The following SESTD1 variants were observed in gnomAD, a reference collection of about 807,000 sequenced individuals.
SESTD1 encodes SEC14 and spectrin domain containing 1.
A neutral mutation model predicts 101.7 loss-of-function variants in SESTD1; 43 were observed. That is an observed-to-expected ratio of 0.42 (90% CI 0.33 to 0.55). The LOEUF (loss-of-function observed/expected upper bound fraction) is 0.55. Among genes scored for constraint, SESTD1 ranks in the 20% least tolerant of loss-of-function variants. The pLI is 0.07. For synonymous variants in SESTD1, 283 were observed against 286.8 expected, an observed-to-expected ratio of 0.99 and a Z score of 0.13; for missense variants, 647 against 815.1, an observed-to-expected ratio of 0.79 and a Z score of 2.51.
chr2:179,183,487 C>G (rs1258542363), intron 2 of SESTD1, among the ~76,000 whole-genome samples: 1 of 152,030 alleles, frequency 6.6e-6, no homozygotes, highest in Non-Finnish European at 1.5e-5. Context: ...ACACCTCTCA[C>G]GTGCCCAGCA....
rs1287168708 is a variant in SESTD1 at position 179,206,433 on chromosome 2, T to G, written c.-25-14567A>C. Among the ~76,000 whole-genome samples, 9 of 136,038 alleles carry G rather than the reference T, an allele frequency of 6.6e-5. 1 individual carries two copies. The highest frequency in any genetic ancestry group is 1.6e-5 in the Non-Finnish European group (1 of 63,026). The allele number at this position is 136,038 out of a possible 152,430, so 89.2% of individuals were successfully genotyped here. On this transcript the variant is annotated intron_variant, in intron 1 of 17. Transcript: ENST00000428443. ...AGAAGAATTTAATCTTACATAGAGC[T>G]GAAATGGATTTAGGGAGCTGTGTGA...
chr2:179,254,353 C>T (rs755832771), intron 1 of SESTD1, among the ~76,000 whole-genome samples: 8 of 152,252 alleles, frequency 5.3e-5, no homozygotes, highest in South Asian at 2.1e-4. Flanking sequence ...TTCTCCTTAA[C>T]GCACTACAGA....
chr2:179,235,150 G>C (rs1267500419), intron 1 of SESTD1, among the ~76,000 whole-genome samples: 1 of 152,150 alleles, frequency 6.6e-6, no homozygotes, highest in African/African-American at 2.4e-5. Flanking sequence ...ATAGAGTACT[G>C]CATCAATGTT....
chr2:179,248,424 T>A (rs1474095752), intron 1 of SESTD1, among the ~76,000 whole-genome samples: 3 of 152,116 alleles, frequency 2.0e-5, no homozygotes, highest in Non-Finnish European at 4.4e-5. Flanking sequence ...TAAGTTAGTA[T>A]TACCCTGATG....
At chr2:179,253,426 A>C (rs1399692685) in intron 1 of SESTD1, among the ~76,000 whole-genome samples, 1 of 152,220 alleles carries the variant, frequency 6.6e-6, no homozygotes, top group Non-Finnish European at 1.5e-5. Flanking sequence ...AATGAACCAC[A>C]GTAGGATACT....
At chr2:179,225,793 T>C (rs2046876560) in intron 1 of SESTD1, among the ~76,000 whole-genome samples, 1 of 152,118 alleles carries the variant, frequency 6.6e-6, no homozygotes, top group South Asian at 2.1e-4. Flanking sequence ...TTTATAAGGG[T>C]GCTAGTCCCA....
At chr2:179,140,316 A>G (rs1257036874) in intron 9 of SESTD1, among the ~76,000 whole-genome samples, 3 of 152,102 alleles carry the variant, frequency 2.0e-5, no homozygotes, top group African/African-American at 7.2e-5. Flanking sequence ...GAGGTAATTA[A>G]CCTAAAATAA....
At chr2:179,225,300 C>T (rs1347427104) in intron 1 of SESTD1, among the ~76,000 whole-genome samples, 1 of 151,974 alleles carries the variant, frequency 6.6e-6, no homozygotes, top group African/African-American at 2.4e-5. Context: ...CCTACAGAAG[C>T]CCTACTCTTA....
At chr2:179,123,142 C>T (rs1575425836) in intron 12 of SESTD1, among the ~76,000 whole-genome samples, 1 of 152,074 alleles carries the variant, frequency 6.6e-6, no homozygotes. Context: ...CACTGTGCTT[C>T]CTGCTGTAGA....
intron 7 of SESTD1, among the ~76,000 whole-genome samples, chr2:179,147,448 G>T (rs369717434): frequency 6.0e-5 from 9 of 149,822 alleles, no homozygotes; most frequent in Admixed American, 2.0e-4. Context: ...TACAACCTCC[G>T]CCTCCCAGGC....
intron 5 of SESTD1, among the ~76,000 whole-genome samples, chr2:179,153,569 A>G (rs1408558638): frequency 1.3e-5 from 2 of 152,210 alleles, no homozygotes; most frequent in Non-Finnish European, 2.9e-5. Flanking sequence ...GTTTAGAAAT[A>G]ATGACCAATT....
chr2:179,145,290 A>G (rs2045370084), intron 8 of SESTD1, among the ~76,000 whole-genome samples: 1 of 152,216 alleles, frequency 6.6e-6, no homozygotes, highest in Non-Finnish European at 1.5e-5. Context: ...TTCAAAGAGC[A>G]TGCCTTGAAA....
intron 1 of SESTD1, among the ~76,000 whole-genome samples, chr2:179,237,626 T>G (rs2047088316): frequency 6.6e-6 from 1 of 152,212 alleles, no homozygotes; most frequent in Admixed American, 6.5e-5. Flanking sequence ...AAGATTTATT[T>G]TCTTTTGAAA....
chr2:179,243,889 C>T (rs78758361), intron 1 of SESTD1, among the ~76,000 whole-genome samples: 1 of 151,138 alleles, frequency 6.6e-6, no homozygotes, highest in Admixed American at 6.6e-5. Context: ...TACATATGTA[C>T]CCCATGAATC....
chr2:179,142,876 C>G (rs1338705552), intron 9 of SESTD1, among the ~76,000 whole-genome samples: 5 of 152,156 alleles, frequency 3.3e-5, no homozygotes, highest in African/African-American at 1.2e-4. Flanking sequence ...CCTTTATATC[C>G]TGTAAAAAAC....
chr2:179,138,955 C>A (rs545042945), intron 9 of SESTD1, among the ~76,000 whole-genome samples: 2 of 151,080 alleles, frequency 1.3e-5, no homozygotes, highest in African/African-American at 4.9e-5. Flanking sequence ...AGAGGCTCAT[C>A]GCCCTTGTTA....
In SESTD1 at chr2:179,121,733, T is replaced by C. The variant is rs765665008; in HGVS notation, c.1442+37A>G. 7.3e-6 allele frequency: 11 copies of C among 1,507,506 alleles called. No individual in the cohort carries two copies. In the South Asian group the frequency reaches 8.1e-5, roughly 11 times the overall value. The allele number at this position is 1,507,506 out of a possible 1,614,324, so 93.4% of individuals were successfully genotyped here. ...AACTTCATTTTAACTAATATTGTTATTATTTTAGTAAAAAGTAATTAACGG... is the reference window on the plus strand; with the variant it reads ...AACTTCATTTTAACTAATATTGTTACTATTTTAGTAAAAAGTAATTAACGG... On this transcript the variant is annotated intron_variant, in intron 13 of 17. Coordinates refer to ENST00000428443, the MANE Select transcript of SESTD1 (RefSeq NM_178123.5).
chr2:179,184,386 A>G (rs1022987523), intron 2 of SESTD1, among the ~76,000 whole-genome samples: 2 of 152,198 alleles, frequency 1.3e-5, no homozygotes, highest in African/African-American at 4.8e-5. Flanking sequence ...ACACAAATGC[A>G]ATTCATAACA....
At chr2:179,194,900 C>A (rs13382185) in intron 1 of SESTD1, among the ~76,000 whole-genome samples, 43,219 of 152,058 alleles carry the variant, frequency 0.28, 6,418 homozygotes, top group South Asian at 0.43. Flanking sequence ...CCCCATACAT[C>A]AGACATGAAC....
Sources: gnomAD v4.1 joint callset for allele counts (sites outside exome capture counted in the v4.1 genomes callset) on GRCh38, gnomAD v4.1.1 for gene constraint, MANE v1.5 for transcripts, NCBI Gene and HGNC (gene_info 2026-07-23, HGNC 2026-07-21) for gene names.